Variants in CAMKMT observed in about 807,000 individuals in gnomAD.
The protein encoded by CAMKMT is CaM KMT.
Under a neutral mutation model 48.0 loss-of-function variants are expected in CAMKMT, and 53 were observed. That is an observed-to-expected ratio of 1.10 (90% CI 0.89 to 1.39). CAMKMT has a LOEUF of 1.39. CAMKMT is among the 40% of genes most tolerant of loss of function. The probability of loss-of-function intolerance (pLI) is 0.00; values close to 1 mark genes in which losing one functional copy is unlikely to be tolerated. For missense variants in CAMKMT, 428 were observed against 402.7 expected, an observed-to-expected ratio of 1.06 and a Z score of -0.54; for synonymous variants, 165 against 152.3, an observed-to-expected ratio of 1.08 and a Z score of -0.61.
intron 9 of CAMKMT, among the ~76,000 whole-genome samples, chr2:44,763,922 C>T (rs1016748252): frequency 2.0e-5 from 3 of 152,230 alleles, no homozygotes; most frequent in Middle Eastern, 3.4e-3. Context: ...TACTGTGAGA[C>T]AATTTTTTGC....
At chr2:44,526,676 A>C (rs540855645) in intron 3 of CAMKMT, among the ~76,000 whole-genome samples, 2 of 152,106 alleles carry the variant, frequency 1.3e-5, no homozygotes, top group African/African-American at 4.8e-5. Flanking sequence ...TGGGCCCTCA[A>C]CTGATTGGAT....
At chr2:44,481,701 A>C (rs1469778676) in intron 3 of CAMKMT, among the ~76,000 whole-genome samples, 1 of 152,086 alleles carries the variant, frequency 6.6e-6, no homozygotes, top group Non-Finnish European at 1.5e-5. Context: ...GATAAAGTTG[A>C]TATTTATGTT....
At chr2:44,509,329 T>C (rs1670420877) in intron 3 of CAMKMT, among the ~76,000 whole-genome samples, 1 of 152,116 alleles carries the variant, frequency 6.6e-6, no homozygotes, top group Non-Finnish European at 1.5e-5. Context: ...TTTTGTTTTG[T>C]TTTGAGTCAG....
At chr2:44,404,968 A>G (rs1432198007) in intron 3 of CAMKMT, among the ~76,000 whole-genome samples, 1 of 152,146 alleles carries the variant, frequency 6.6e-6, no homozygotes, top group Non-Finnish European at 1.5e-5. Flanking sequence ...AAACTTTTAG[A>G]GTCTTTCATG....
At chr2:44,596,721 G>A (rs1033684482) in intron 3 of CAMKMT, among the ~76,000 whole-genome samples, 2 of 152,156 alleles carry the variant, frequency 1.3e-5, no homozygotes, top group South Asian at 2.1e-4. Flanking sequence ...AATTGTGCTT[G>A]CATCATCACA....
chr2:44,387,324 A>G (rs1391917427), intron 2 of CAMKMT, among the ~76,000 whole-genome samples: 2 of 152,170 alleles, frequency 1.3e-5, no homozygotes, highest in Non-Finnish European at 1.5e-5. Flanking sequence ...GTCTGATATA[A>G]GAATAGCTAC....
At chr2:44,434,134 A>G (rs1208178419) in intron 3 of CAMKMT, among the ~76,000 whole-genome samples, 1 of 152,158 alleles carries the variant, frequency 6.6e-6, no homozygotes, top group African/African-American at 2.4e-5. Flanking sequence ...GAAGGATGGT[A>G]GTCTAGGGTT....
chr2:44,565,185 G>T (rs1668545997), intron 3 of CAMKMT, among the ~76,000 whole-genome samples: 1 of 152,110 alleles, frequency 6.6e-6, no homozygotes, highest in Non-Finnish European at 1.5e-5. Context: ...CTATGGCAAG[G>T]GTGGCTTGAT....
At chr2:44,450,944 C>G (rs1667256337) in intron 3 of CAMKMT, among the ~76,000 whole-genome samples, 1 of 152,044 alleles carries the variant, frequency 6.6e-6, no homozygotes, top group Non-Finnish European at 1.5e-5. Context: ...TCTCTGTGCT[C>G]TCTGACTTGT....
chr2:44,563,618 C>A (rs1558705537), intron 3 of CAMKMT, among the ~76,000 whole-genome samples: 1 of 152,030 alleles, frequency 6.6e-6, no homozygotes, highest in Non-Finnish European at 1.5e-5. Flanking sequence ...TGCTATCCCT[C>A]CCCCTTCCCC....
chr2:44,556,099 C>G lies in CAMKMT; in HGVS notation c.377-148184C>G, dbSNP rs552129701. 8.5e-5 allele frequency among the ~76,000 whole-genome samples: 13 copies of G among 152,058 alleles called. No individual in the cohort carries two copies. The East Asian group carries it at 1.9e-3, about 23-fold the overall frequency. On this transcript the variant is annotated intron_variant, in intron 3 of 10. Coordinates refer to ENST00000378494, the MANE Select transcript of CAMKMT (RefSeq NM_024766.5). ...AGCATCTTCATTGCAAAGTGAAAGG[C>G]TATTTAAAAATACCTACAATTTTTT...
chr2:44,511,039 C>T (rs933684100), intron 3 of CAMKMT, among the ~76,000 whole-genome samples: 3 of 152,052 alleles, frequency 2.0e-5, no homozygotes, highest in African/African-American at 7.2e-5. Flanking sequence ...CGGGGTTTCA[C>T]CATATTGGCC....
intron 3 of CAMKMT, among the ~76,000 whole-genome samples, chr2:44,464,466 T>C (rs1668008066): frequency 6.6e-6 from 1 of 152,084 alleles, no homozygotes. Flanking sequence ...AGGAAGAAAA[T>C]GGACATTCAA....
At chr2:44,407,289 C>G (rs969713966) in intron 3 of CAMKMT, among the ~76,000 whole-genome samples, 2 of 152,130 alleles carry the variant, frequency 1.3e-5, no homozygotes, top group African/African-American at 2.4e-5. Context: ...GCTCCTGAGC[C>G]TCTCTAGAAG....
chr2:44,770,745 G>A (rs1681070136), intron 10 of CAMKMT, among the ~76,000 whole-genome samples: 1 of 152,188 alleles, frequency 6.6e-6, no homozygotes, highest in Non-Finnish European at 1.5e-5. Flanking sequence ...AGACTAAATA[G>A]TAAGGTTGGA....
intron 3 of CAMKMT, among the ~76,000 whole-genome samples, chr2:44,631,213 C>G (rs1484603791): frequency 6.6e-6 from 1 of 151,820 alleles, no homozygotes; most frequent in South Asian, 2.1e-4. Flanking sequence ...CACATGGACA[C>G]AGGAAGGGGA....
chr2:44,386,376 A>G (rs1680780635), intron 2 of CAMKMT, among the ~76,000 whole-genome samples: 1 of 151,914 alleles, frequency 6.6e-6, no homozygotes, highest in Non-Finnish European at 1.5e-5. Flanking sequence ...CCTGTTTCCT[A>G]GTGAGGTTAT....
rs777009313 is a variant in CAMKMT at position 44,715,286 on chromosome 2, G to T, written c.557-1G>T. On this transcript the variant is annotated splice_acceptor_variant, in intron 6 of 10. Transcript: ENST00000378494. LOFTEE classifies it high-confidence loss of function. Reference sequence around the variant, plus strand: ...GATGTTTTCTTAACTGTGTCCTGTAGATGTGCAAGACATCATCACAAGGAA... The same window carrying T: ...GATGTTTTCTTAACTGTGTCCTGTATATGTGCAAGACATCATCACAAGGAA... 6.2e-6 allele frequency: 10 copies of T among 1,609,208 alleles called. No individual in the cohort carries two copies. The East Asian group carries it at 1.6e-4, about 25-fold the overall frequency.
At chr2:44,572,148 C>G (rs1668941287) in intron 3 of CAMKMT, among the ~76,000 whole-genome samples, 1 of 152,192 alleles carries the variant, frequency 6.6e-6, no homozygotes, top group Non-Finnish European at 1.5e-5. Context: ...ATTCTACAAT[C>G]TCCCCTTCTC....
Sources: gnomAD v4.1 joint callset for allele counts (sites outside exome capture counted in the v4.1 genomes callset) on GRCh38, gnomAD v4.1.1 for gene constraint, MANE v1.5 for transcripts, NCBI Gene and HGNC (gene_info 2026-07-23, HGNC 2026-07-21) for gene names.